DENND5B: variants seen among roughly 807,000 people sequenced by gnomAD.
DENND5B encodes DENN domain-containing protein 5B.
DENND5B carries 34 observed loss-of-function variants against 140.6 expected under a neutral mutation model. That is an observed-to-expected ratio of 0.24 (90% CI 0.18 to 0.32). The LOEUF is 0.32. Among genes scored for constraint, DENND5B ranks in the 10% least tolerant of loss-of-function variants. The probability of loss-of-function intolerance (pLI) is 1.00; values close to 1 mark genes in which losing one functional copy is unlikely to be tolerated. For synonymous variants in DENND5B, 551 were observed against 562.1 expected (o/e 0.98, Z 0.28); for missense variants, 1,142 against 1,560.2 (o/e 0.73, Z 4.52).
intron 12 of DENND5B, among the ~76,000 whole-genome samples, chr12:31,414,892 A>C (rs1418272521): frequency 6.7e-6 from 1 of 150,352 alleles, no homozygotes; most frequent in Non-Finnish European, 1.5e-5. Context: ...ACTGCACTCC[A>C]GCCTGGGCAA....
chr12:31,442,645 G>T, intron 7 of DENND5B, 130 bp downstream of exon 7: 2 of 838,072 alleles, frequency 2.4e-6, no homozygotes, highest in Non-Finnish European at 3.4e-6. Context: ...TATTTCAAAT[G>T]CATTAATGTG....
chr12:31,548,039 G>A (rs943161044), intron 1 of DENND5B, among the ~76,000 whole-genome samples: 14 of 152,130 alleles, frequency 9.2e-5, no homozygotes, highest in South Asian at 2.1e-4. Context: ...GTCTTCTTTC[G>A]CTTAAAACGT....
intron 11 of DENND5B, among the ~76,000 whole-genome samples, chr12:31,415,912 C>G (rs1293154273): frequency 6.6e-6 from 1 of 151,830 alleles, no homozygotes; most frequent in Non-Finnish European, 1.5e-5. Context: ...CTCAGCTCAC[C>G]GCAACCTCCA....
At chr12:31,401,493 G>T (rs924406031) in intron 15 of DENND5B, among the ~76,000 whole-genome samples, 1 of 152,086 alleles carries the variant, frequency 6.6e-6, no homozygotes, top group South Asian at 2.1e-4. Context: ...CATTCAGTTC[G>T]TACCATTTCC....
intron 1 of DENND5B, among the ~76,000 whole-genome samples, chr12:31,555,858 G>C (rs138674533): frequency 2.6e-5 from 4 of 152,224 alleles, no homozygotes; most frequent in Non-Finnish European, 4.4e-5. Context: ...CTCCGAGCCA[G>C]GTGCGGGATA....
At chr12:31,580,936 T>C (rs761635536) in intron 1 of DENND5B, among the ~76,000 whole-genome samples, 2 of 151,948 alleles carry the variant, frequency 1.3e-5, no homozygotes, top group African/African-American at 2.4e-5. Context: ...ACCCCATCTC[T>C]ACAAAAAAAA....
At chr12:31,446,012 G>GA (rs140419035) in intron 6 of DENND5B, among the ~76,000 whole-genome samples, 54 of 133,714 alleles carry the variant, frequency 4.0e-4, no homozygotes, top group South Asian at 7.1e-4. Flanking sequence ...TGTCTCAAAA[G>GA]AAAAAAAAAA....
chr12:31,395,134 A>G (rs1398418179), intron 17 of DENND5B, among the ~76,000 whole-genome samples: 1 of 151,786 alleles, frequency 6.6e-6, no homozygotes, highest in African/African-American at 2.4e-5. Flanking sequence ...GTGTAGATAT[A>G]TGTATTCATT....
chr12:31,451,474 C>T (rs891557175), intron 5 of DENND5B, among the ~76,000 whole-genome samples: 3 of 152,194 alleles, frequency 2.0e-5, no homozygotes, highest in Non-Finnish European at 4.4e-5. Flanking sequence ...CAGGTGTGCG[C>T]CACCACGCCC....
intron 3 of DENND5B, among the ~76,000 whole-genome samples, chr12:31,467,532 A>G (rs1945328203): frequency 6.6e-6 from 1 of 152,150 alleles, no homozygotes; most frequent in South Asian, 2.1e-4. Flanking sequence ...CCCAGCTATC[A>G]GGAGGCTGAG....
intron 1 of DENND5B, among the ~76,000 whole-genome samples, chr12:31,518,577 C>CTT (rs5797414): frequency 2.6e-4 from 39 of 147,276 alleles, no homozygotes; most frequent in South Asian, 8.5e-4. Context: ...TCAAATATAC[C>CTT]TTTTTTTTTT....
intron 7 of DENND5B, among the ~76,000 whole-genome samples, chr12:31,438,385 C>G (rs1316486919): frequency 6.6e-6 from 1 of 152,156 alleles, no homozygotes; most frequent in Non-Finnish European, 1.5e-5. Context: ...AATACTTACT[C>G]TTTTTACAAT....
intron 3 of DENND5B, among the ~76,000 whole-genome samples, chr12:31,479,352 A>T (rs920380110): frequency 1.3e-5 from 2 of 152,228 alleles, no homozygotes; most frequent in Admixed American, 1.3e-4. Flanking sequence ...AATATACCCA[A>T]ATCAGCCAAG....
At chr12:31,415,575 T>C in intron 11 of DENND5B, 127 bp from the exon 12 acceptor site, 1 of 702,506 alleles carries the variant, frequency 1.4e-6, no homozygotes, top group South Asian at 1.9e-5. Flanking sequence ...GCCCAAAATG[T>C]CAAAAAACAA....
rs1219522899 is a variant in DENND5B at position 31,590,795 on chromosome 12, C to A, written c.38G>T (p.Gly13Val). 1.5e-6 allele frequency: 2 copies of A among 1,335,150 alleles called. No individual in the cohort carries two copies. Among genetic ancestry groups the A allele is most frequent in the Admixed American group, 6.8e-5 (2 of 29,536 alleles). 82.7% of individuals were successfully genotyped at this position (1,335,150 alleles called of 1,614,324 possible). ...GSCAAPGPGS[G>V]SSPAACRFAH... ...GAAGCGGCAGGCGGCCGGGGAGGAG[C>A]CCGAGCCCGGGCCGGGCGCCGCGCA... The change falls in exon 1 of 21, where the codon GGC (glycine) becomes GTC (valine). Residue 13 changes from glycine to valine, a missense_variant. Physicochemically the swap from Gly to Val is moderately radical, Grantham distance 109. Transcript: ENST00000389082.
chr12:31,429,151 C>T (rs1431463186), intron 8 of DENND5B, among the ~76,000 whole-genome samples: 5 of 151,384 alleles, frequency 3.3e-5, no homozygotes, highest in African/African-American at 4.9e-5. Flanking sequence ...AGATTACAGG[C>T]GTGAGCCACC....
chr12:31,465,156 C>T (rs1038386791), intron 3 of DENND5B: 2 of 152,288 alleles, frequency 1.3e-5, no homozygotes, highest in African/African-American at 4.8e-5. Context: ...AAGGTCAGCC[C>T]CTCAAGGGCA....
intron 13 of DENND5B, among the ~76,000 whole-genome samples, chr12:31,410,995 T>G (rs1268267384): frequency 1.3e-5 from 2 of 151,998 alleles, no homozygotes; most frequent in African/African-American, 4.8e-5. Context: ...TTGTAAGTGA[T>G]TATCATTTTC....
intron 15 of DENND5B, among the ~76,000 whole-genome samples, chr12:31,400,845 T>TTG (rs894907261): frequency 3.8e-4 from 8 of 20,820 alleles, no homozygotes; most frequent in African/African-American, 4.9e-4. Context: ...GAGTTTTTTT[T>TTG]TTTTGTTTTT....
Sources: allele counts gnomAD v4.1 joint callset (sites outside exome capture counted in the v4.1 genomes callset), GRCh38; gene constraint gnomAD v4.1.1; transcripts MANE v1.5; gene names NCBI Gene and HGNC (gene_info 2026-07-23, HGNC 2026-07-21).